Variants in XIRP2 observed in about 807,000 individuals in gnomAD.
XIRP2 encodes the protein xin actin-binding repeat-containing protein 2.
In XIRP2, 236 loss-of-function variants were observed where a neutral mutation model predicts 277.0. The observed-to-expected ratio is 0.85, with a 90% confidence interval of 0.77 to 0.95. The LOEUF (loss-of-function observed/expected upper bound fraction) is 0.95, where lower values mean the gene tolerates loss of function less well. XIRP2 is among the 40% of genes least tolerant of loss of function. The probability of loss-of-function intolerance (pLI) is 0.00; values close to 1 mark genes in which losing one functional copy is unlikely to be tolerated. For synonymous variants in XIRP2, 1,490 were observed against 1,416.5 expected (o/e 1.05, Z -1.17); for missense variants, 4,640 against 4,157.5 (o/e 1.12, Z -3.19).
intron 3 of XIRP2, among the ~76,000 whole-genome samples, chr2:167,178,783 C>T (rs1692926847): frequency 6.6e-6 from 1 of 152,138 alleles, no homozygotes; most frequent in Admixed American, 6.5e-5. Context: ...TCTTCTCCTT[C>T]ATAAACTTAT....
In XIRP2 at chr2:167,245,771, C is replaced by G. The variant is rs775132323; in HGVS notation, c.4379C>G (p.Thr1460Ser). ...KTSTWLFETHTMDELRGEGLE... is the reference protein window; with the variant it reads ...KTSTWLFETHSMDELRGEGLE... ...TCTACTTGGCTATTTGAAACCCACA[C>G]TATGGATGAACTGAGAGGAGAAGGG... Residue 1460 changes from threonine to serine, a missense_variant, in exon 9 of 11, where the codon ACT (threonine) becomes AGT (serine). Transcript: ENST00000409195. 14 of 1,613,742 alleles carry G rather than the reference C, an allele frequency of 8.7e-6. No individual in the cohort carries two copies. The highest frequency in any genetic ancestry group is 1.2e-5 in the Non-Finnish European group (14 of 1,179,782).
At chr2:167,034,392 A>T (rs1469063554) in intron 2 of XIRP2, among the ~76,000 whole-genome samples, 1 of 152,094 alleles carries the variant, frequency 6.6e-6, no homozygotes, top group Non-Finnish European at 1.5e-5. Context: ...TACACAGAAT[A>T]ACAAAAGAAA....
At chr2:167,008,099 T>C (rs995759128) in intron 2 of XIRP2, among the ~76,000 whole-genome samples, 11 of 151,624 alleles carry the variant, frequency 7.3e-5, no homozygotes, top group Non-Finnish European at 1.2e-4. Context: ...CATCCTTGGA[T>C]TGAATTTACT....
rs367975299 is a variant in XIRP2 at position 167,249,324 on chromosome 2, T to C, written c.7932T>C (p.His2644=). 3.0e-5 allele frequency: 48 copies of C among 1,613,688 alleles called. No homozygotes were observed. Among genetic ancestry groups the C allele is most frequent in the Non-Finnish European group, 4.1e-5 (48 of 1,179,828 alleles). ...CAGTCGCTGCCAAGAGGCTCCACCA[T>C]GTTTTAGCAGCTTCAGAAGACAAAG... is the stretch of plus-strand genomic sequence containing the variant. ...PETVAAKRLH[H]VLAASEDKDK... is the part of the protein sequence containing the mutation. Residue 2644 remains histidine, a synonymous_variant, in exon 9 of 11, where the codon CAT becomes CAC. Transcript: ENST00000409195.
intron 3 of XIRP2, among the ~76,000 whole-genome samples, chr2:167,156,105 A>C (rs569229442): frequency 6.6e-6 from 1 of 151,666 alleles, no homozygotes; most frequent in Non-Finnish European, 1.5e-5. Flanking sequence ...AGAGGATACA[A>C]ACAAAGGGAA....
intron 2 of XIRP2, among the ~76,000 whole-genome samples, chr2:167,088,429 G>T (rs547721931): frequency 2.0e-5 from 3 of 152,214 alleles, no homozygotes; most frequent in Non-Finnish European, 4.4e-5. Context: ...CTGGACAGCT[G>T]TGTGACACTT....
intron 5 of XIRP2, among the ~76,000 whole-genome samples, chr2:167,227,293 A>C (rs1034051259): frequency 6.6e-6 from 1 of 152,204 alleles, no homozygotes; most frequent in African/African-American, 2.4e-5. Flanking sequence ...TGGTAAAAAT[A>C]ATAAATATTA....
chr2:167,049,203 G>T (rs1212955639), intron 2 of XIRP2, among the ~76,000 whole-genome samples: 1 of 150,738 alleles, frequency 6.6e-6, no homozygotes, highest in Non-Finnish European at 1.5e-5. Context: ...TTTTTAATCA[G>T]GGTTCATTAC....
intron 3 of XIRP2, among the ~76,000 whole-genome samples, chr2:167,161,894 G>A (rs1357883372): frequency 6.6e-6 from 1 of 152,064 alleles, no homozygotes; most frequent in East Asian, 1.9e-4. Flanking sequence ...AAAACGGAAT[G>A]CCTGTAACAG....
intron 3 of XIRP2, among the ~76,000 whole-genome samples, chr2:167,174,037 C>T (rs375299902): frequency 2.6e-5 from 4 of 152,152 alleles, no homozygotes; most frequent in South Asian, 2.1e-4. Context: ...TGAGGATTTT[C>T]GTGTCGATGT....
At position 167,247,058 on chromosome 2, in the gene XIRP2, ATGCCATCCCTGG is replaced by A. The variant is rs1362308155; in HGVS notation, c.5669_5680del (p.Ala1890_Gly1893del). 6.2e-7 allele frequency: 1 copy of A among 1,612,958 alleles called. No individual in the cohort carries two copies. The highest frequency in any genetic ancestry group is 8.5e-7 in the Non-Finnish European group (1 of 1,179,624). On this transcript the variant is annotated inframe_deletion, in exon 9 of 11. Transcript: ENST00000409195. ...CGATGGAAAGAATCTAAACAGCCTG[ATGCCATCCCTGG>A]TGATATTGAAAAAGCTATTGAATGC...
chr2:167,088,022 G>C (rs865797668), intron 2 of XIRP2, among the ~76,000 whole-genome samples: 3 of 152,084 alleles, frequency 2.0e-5, no homozygotes, highest in African/African-American at 7.2e-5. Context: ...AAGTTTGTAA[G>C]CCATTGGTCA....
intron 2 of XIRP2, among the ~76,000 whole-genome samples, chr2:167,020,572 TTG>T (rs151096742): frequency 1.3e-5 from 2 of 151,354 alleles, no homozygotes; most frequent in African/African-American, 2.4e-5. Context: ...TATAAATTGT[TTG>T]TGTGTGTGTG....
At chr2:167,078,315 G>A (rs1339054261) in intron 2 of XIRP2, among the ~76,000 whole-genome samples, 1 of 152,070 alleles carries the variant, frequency 6.6e-6, no homozygotes. Flanking sequence ...GCAGATTTTT[G>A]TACATTGATA....
intron 2 of XIRP2, among the ~76,000 whole-genome samples, chr2:166,960,894 G>A (rs1277593856): frequency 1.3e-5 from 2 of 151,734 alleles, no homozygotes; most frequent in Non-Finnish European, 2.9e-5. Flanking sequence ...TTGTCCAGGC[G>A]TGTATTAAAC....
chr2:167,090,372 A>G (rs1468170924), intron 2 of XIRP2, among the ~76,000 whole-genome samples: 1 of 152,098 alleles, frequency 6.6e-6, no homozygotes, highest in African/African-American at 2.4e-5. Flanking sequence ...GTCTCTTTAA[A>G]TATTGCTTTC....
At chr2:167,240,809 C>T (rs1321119664) in intron 7 of XIRP2, 73 bp downstream of exon 7, 8 of 1,324,240 alleles carry the variant, frequency 6.0e-6, no homozygotes, top group Admixed American at 1.7e-5. Context: ...TGGATGACTT[C>T]CAAAGCACAG....
In XIRP2 at chr2:167,016,757, G is replaced by T. The variant is rs551042880; in HGVS notation, c.408+112867G>T. On this transcript the variant is annotated intron_variant, in intron 2 of 10. Coordinates refer to ENST00000409195, the MANE Select transcript of XIRP2 (RefSeq NM_152381.6). ...GATTTGAACCCAGAGGAAGGAAAGA[G>T]GTAAGGAAGGAGGATGGAGTATGAA... 4.6e-5 allele frequency among the ~76,000 whole-genome samples: 7 copies of T among 152,014 alleles called. No individual in the cohort carries two copies. In the South Asian group the frequency reaches 8.3e-4, roughly 18 times the overall value.
Position 167,245,360 on chromosome 2 carries a change from C to A in XIRP2, c.3968C>A (p.Ala1323Glu). 6.2e-7 allele frequency: 1 copy of A among 1,613,636 alleles called. No individual in the cohort carries two copies. Among genetic ancestry groups the A allele is most frequent in the Non-Finnish European group, 8.5e-7 (1 of 1,179,738 alleles). The change falls in exon 9 of 11, where the codon GCA becomes GAA. Residue 1323 changes from alanine to glutamate, a missense_variant. Ala to Glu is a moderately radical substitution (Grantham distance 107, BLOSUM62 -1). Transcript: ENST00000409195. Reference protein sequence around the residue: ...RMLFETQPLYAIQDREGSYHE... With the variant: ...RMLFETQPLYEIQDREGSYHE... ...CTCTTTGAAACCCAGCCACTCTATG[C>A]AATTCAAGACCGAGAAGGGTCCTAT...
Sources: gnomAD v4.1 joint callset for allele counts (sites outside exome capture counted in the v4.1 genomes callset) on GRCh38, gnomAD v4.1.1 for gene constraint, MANE v1.5 for transcripts, NCBI Gene and HGNC (gene_info 2026-07-23, HGNC 2026-07-21) for gene names.